Variants in PCDH9 observed in about 807,000 individuals in gnomAD.
PCDH9 encodes protocadherin-9.
A neutral mutation model predicts 70.6 loss-of-function variants in PCDH9; 24 were observed. The ratio of observed to expected loss-of-function variants is 0.34; its 90% confidence interval spans 0.25 to 0.48. The LOEUF (loss-of-function observed/expected upper bound fraction) is 0.48. Ranked by LOEUF, PCDH9 falls within the 20% of genes least tolerant of loss-of-function variation. The pLI is 0.99. For synonymous variants in PCDH9, 562 were observed against 558.5 expected (o/e 1.01, Z -0.09); for missense variants, 1,281 against 1,503.6 (o/e 0.85, Z 2.45).
rs115359413 is a variant in PCDH9 at position 66,385,809 on chromosome 13, T to C, written c.3341-80781A>G. 4.1e-3 allele frequency among the ~76,000 whole-genome samples: 631 copies of C among 152,306 alleles called. 3 individuals are homozygous for C. Among genetic ancestry groups the C allele is most frequent in the African/African-American group, 0.014 (599 of 41,566 alleles). On this transcript the variant is annotated intron_variant, in intron 4 of 4. Coordinates refer to ENST00000377865, the MANE Select transcript of PCDH9 (RefSeq NM_203487.3). ...TGAATTCTAACAGCGATTTCAAATA[T>C]TGCCTTTCTAGTAGGGTTTAATTGA...
chr13:66,843,112 C>T (rs978839569), intron 3 of PCDH9, among the ~76,000 whole-genome samples: 9 of 152,206 alleles, frequency 5.9e-5, no homozygotes, highest in Non-Finnish European at 1.3e-4. Context: ...GCCAGCTACA[C>T]ACAGGTGTGT....
chr13:66,548,419 G>A (rs976529986), intron 4 of PCDH9, among the ~76,000 whole-genome samples: 1 of 151,956 alleles, frequency 6.6e-6, no homozygotes, highest in African/African-American at 2.4e-5. Context: ...ACAAAAATTA[G>A]ACAGGCATGG....
intron 3 of PCDH9, among the ~76,000 whole-genome samples, chr13:66,741,307 AC>A (rs2079259786): frequency 7.9e-5 from 1 of 12,732 alleles, no homozygotes; most frequent in African/African-American, 8.4e-5. Context: ...CATGCTAAAA[AC>A]TCTCAATAAA....
intron 3 of PCDH9, among the ~76,000 whole-genome samples, chr13:66,683,224 G>A (rs9972073): frequency 0.44 from 66,298 of 151,746 alleles, 14,522 homozygotes; most frequent in South Asian, 0.46. Flanking sequence ...TTTCCCAGCA[G>A]GCACTCATAA....
intron 2 of PCDH9, chr13:67,211,718 T>C (rs2089472175): frequency 6.6e-6 from 1 of 152,086 alleles, no homozygotes; most frequent in African/African-American, 2.4e-5. Context: ...AACGTTTATA[T>C]CATTGCATTG....
intron 4 of PCDH9, among the ~76,000 whole-genome samples, chr13:66,403,557 T>TTCTTGGGA (rs1182904254): frequency 6.6e-6 from 1 of 152,152 alleles, no homozygotes; most frequent in Non-Finnish European, 1.5e-5. Context: ...TTCTATTTTA[T>TTCTTGGGA]TCTTGGGAGC....
chr13:66,966,381 C>T (rs901120559), intron 2 of PCDH9, among the ~76,000 whole-genome samples: 2 of 152,150 alleles, frequency 1.3e-5, no homozygotes, highest in Admixed American at 1.3e-4. Context: ...GTGATGAAAA[C>T]AATTCCAAAC....
intron 3 of PCDH9, among the ~76,000 whole-genome samples, chr13:66,787,748 G>T (rs2080102303): frequency 6.6e-6 from 1 of 152,158 alleles, no homozygotes; most frequent in Non-Finnish European, 1.5e-5. Flanking sequence ...ATCACCAAAA[G>T]AGAATTTTTC....
chr13:66,316,157 CCTT>C (rs2138075032), intron 4 of PCDH9, among the ~76,000 whole-genome samples: 1 of 152,278 alleles, frequency 6.6e-6, no homozygotes, highest in African/African-American at 2.4e-5. Flanking sequence ...TCCTCTGACT[CCTT>C]CATCCTTCTT....
chr13:67,124,355 G>A (rs576359549), intron 2 of PCDH9, among the ~76,000 whole-genome samples: 1 of 152,046 alleles, frequency 6.6e-6, no homozygotes, highest in African/African-American at 2.4e-5. Flanking sequence ...TTTATTTGAA[G>A]AATTTAATAC....
chr13:66,822,494 AT>A (rs57689980), intron 3 of PCDH9, among the ~76,000 whole-genome samples: 30,435 of 117,990 alleles, frequency 0.26, 3,362 homozygotes, highest in Non-Finnish European at 0.32. Flanking sequence ...ATGTCCTGGA[AT>A]TTTTTTTTTT....
At chr13:66,811,865 T>C (rs924025508) in intron 3 of PCDH9, among the ~76,000 whole-genome samples, 22 of 152,070 alleles carry the variant, frequency 1.4e-4, no homozygotes, top group African/African-American at 4.3e-4. Context: ...ACCCAAAATA[T>C]CTTCACAAGC....
chr13:66,811,170 C>A (rs1594091408), intron 3 of PCDH9, among the ~76,000 whole-genome samples: 2 of 151,750 alleles, frequency 1.3e-5, no homozygotes, highest in African/African-American at 4.8e-5. Flanking sequence ...CTGTAAATAC[C>A]AAGATATTAA....
chr13:66,700,923 A>ATATATATATATATATATAT (rs1566514288), intron 3 of PCDH9, among the ~76,000 whole-genome samples: 1 of 58,436 alleles, frequency 1.7e-5, no homozygotes, highest in Non-Finnish European at 3.2e-5. Flanking sequence ...TGTACATATA[A>ATATATATATATATATATAT]ATATATATAT....
chr13:66,965,925 G>A (rs1461587205), intron 2 of PCDH9, among the ~76,000 whole-genome samples: 2 of 151,902 alleles, frequency 1.3e-5, no homozygotes, highest in East Asian at 3.9e-4. Flanking sequence ...CATATATTAA[G>A]AGAAAAAGCC....
chr13:66,730,977 G>A (rs550479769), intron 3 of PCDH9, among the ~76,000 whole-genome samples: 2 of 146,022 alleles, frequency 1.4e-5, no homozygotes, highest in East Asian at 2.1e-4. Context: ...TCCTGCCTCG[G>A]CCTCCCAAAA....
intron 4 of PCDH9, among the ~76,000 whole-genome samples, chr13:66,445,157 CTATATTA>C (rs888404676): frequency 6.9e-6 from 1 of 145,120 alleles, no homozygotes; most frequent in African/African-American, 2.5e-5. Flanking sequence ...TATTATTTTA[CTATATTA>C]TATATTATAT....
At chr13:67,040,682 G>C (rs1290281122) in intron 2 of PCDH9, among the ~76,000 whole-genome samples, 2 of 151,596 alleles carry the variant, frequency 1.3e-5, no homozygotes, top group Non-Finnish European at 2.9e-5. Context: ...ATGACATTTA[G>C]GTTAAAAAAA....
At chr13:66,782,380 T>G (rs2080012545) in intron 3 of PCDH9, among the ~76,000 whole-genome samples, 1 of 152,164 alleles carries the variant, frequency 6.6e-6, no homozygotes, top group Non-Finnish European at 1.5e-5. Flanking sequence ...GCAGATTGAT[T>G]GATTTTTTTC....
Sources: allele counts gnomAD v4.1 joint callset (sites outside exome capture counted in the v4.1 genomes callset), GRCh38; gene constraint gnomAD v4.1.1; transcripts MANE v1.5; gene names NCBI Gene and HGNC (gene_info 2026-07-23, HGNC 2026-07-21).